FUT9: variants seen among roughly 807,000 people sequenced by gnomAD.
FUT9 encodes the protein fucosyltransferase 9.
FUT9 carries 15 observed loss-of-function variants against 29.7 expected under a neutral mutation model. The ratio of observed to expected loss-of-function variants is 0.51; its 90% CI spans 0.34 to 0.78. The LOEUF (loss-of-function observed/expected upper bound fraction) is 0.78, where lower values mean the gene tolerates loss of function less well. Ranked by LOEUF, FUT9 falls within the 30% of genes least tolerant of loss-of-function variation. FUT9 has a pLI of 0.01. For missense variants in FUT9, 319 were observed against 425.4 expected (o/e 0.75, Z 2.20); for synonymous variants, 169 against 153.7 (o/e 1.10, Z -0.74).
intron 1 of FUT9, among the ~76,000 whole-genome samples, chr6:96,060,480 A>G (rs1177995238): frequency 6.6e-6 from 1 of 152,034 alleles, no homozygotes; most frequent in East Asian, 1.9e-4. Context: ...GTAAATTTTT[A>G]TATTTTATTC....
At chr6:96,129,264 C>CAAAAA (rs869216525) in intron 2 of FUT9, among the ~76,000 whole-genome samples, 7 of 13,310 alleles carry the variant, frequency 5.3e-4, no homozygotes, top group African/African-American at 6.3e-4. Context: ...GACTCTGTCT[C>CAAAAA]AAAAAAAAAA....
At chr6:96,144,885 CAAATT>C (rs1404977899) in intron 2 of FUT9, among the ~76,000 whole-genome samples, 3 of 152,054 alleles carry the variant, frequency 2.0e-5, no homozygotes, top group South Asian at 4.1e-4. Flanking sequence ...GAAAAGAAAA[CAAATT>C]AAAAGAATAT....
At chr6:96,038,412 T>C (rs960205716) in intron 1 of FUT9, among the ~76,000 whole-genome samples, 3 of 152,164 alleles carry the variant, frequency 2.0e-5, no homozygotes, top group Non-Finnish European at 2.9e-5. Context: ...TTTTTAATTC[T>C]TCTTCTTTGC....
intron 2 of FUT9, among the ~76,000 whole-genome samples, chr6:96,178,829 A>G (rs1481803050): frequency 6.6e-6 from 1 of 152,100 alleles, no homozygotes; most frequent in Non-Finnish European, 1.5e-5. Context: ...TCCACTTCCC[A>G]TCTCCCTTTT....
At chr6:96,092,332 A>T (rs1771425048) in intron 1 of FUT9, among the ~76,000 whole-genome samples, 1 of 152,148 alleles carries the variant, frequency 6.6e-6, no homozygotes, top group Non-Finnish European at 1.5e-5. Context: ...ACTTGTGTGA[A>T]ATTCAAAAAT....
intron 2 of FUT9, among the ~76,000 whole-genome samples, chr6:96,154,112 A>G (rs1308771249): frequency 2.0e-5 from 3 of 152,246 alleles, no homozygotes; most frequent in African/African-American, 4.8e-5. Context: ...TTGCTTCCTC[A>G]TAATGGGTGA....
chr6:96,101,231 A>G (rs1001941997), intron 1 of FUT9, among the ~76,000 whole-genome samples: 4 of 152,040 alleles, frequency 2.6e-5, no homozygotes, highest in African/African-American at 7.3e-5. Context: ...TGTTTGAGGG[A>G]AAAAAATATT....
Position 96,019,863 on chromosome 6 carries a change from T to G in FUT9, c.-98+3651T>G, listed in dbSNP as rs968570752. On this transcript the variant is annotated intron_variant, in intron 1 of 2. Coordinates refer to ENST00000302103, the MANE Select transcript of FUT9 (RefSeq NM_006581.4). ...TGACTTGCTCAAAGTTTCAAAGTAGTTAATAGAAACAGAATTCAAATCCTG... is the reference window on the plus strand; with the variant it reads ...TGACTTGCTCAAAGTTTCAAAGTAGGTAATAGAAACAGAATTCAAATCCTG... Among the ~76,000 whole-genome samples, 8 of 152,118 alleles carry G rather than the reference T, an allele frequency of 5.3e-5. 1 individual carries two copies. The highest frequency in any genetic ancestry group is 5.2e-4 in the Admixed American group (8 of 15,274).
chr6:96,212,532 A>G lies in FUT9; in HGVS notation c.*8297A>G. 4.9e-6 allele frequency: 2 copies of G among 405,318 alleles called. No individual in the cohort carries two copies. Among genetic ancestry groups the G allele is most frequent in the Non-Finnish European group, 9.0e-6 (2 of 221,118 alleles). The allele number at this position is 405,318 out of a possible 1,614,324, so 25.1% of individuals were successfully genotyped here. A position where few individuals can be genotyped will look rare whatever the true frequency, so the allele number is the denominator to read the frequency against. On this transcript the variant is annotated 3_prime_UTR_variant, in exon 3 of 3. Coordinates refer to ENST00000302103, the MANE Select transcript of FUT9 (RefSeq NM_006581.4). ...ATTTGAGAACAAGATTTTACTTAGA[A>G]GGGAAAAAAAAGAACTTTCAGCTTA... is the stretch of plus-strand genomic sequence containing the variant.
chr6:96,178,430 C>T (rs923588235), intron 2 of FUT9, among the ~76,000 whole-genome samples: 2 of 152,014 alleles, frequency 1.3e-5, no homozygotes, highest in Non-Finnish European at 2.9e-5. Flanking sequence ...TAGCACTAAT[C>T]GAAATTTTAT....
At chr6:96,071,578 G>T (rs145177618) in intron 1 of FUT9, among the ~76,000 whole-genome samples, 2 of 152,006 alleles carry the variant, frequency 1.3e-5, no homozygotes, top group East Asian at 3.9e-4. Flanking sequence ...CTTAAATGTC[G>T]TTTTAGTGAA....
At chr6:96,184,639 T>C (rs1279531092) in intron 2 of FUT9, among the ~76,000 whole-genome samples, 1 of 152,082 alleles carries the variant, frequency 6.6e-6, no homozygotes, top group Non-Finnish European at 1.5e-5. Context: ...CAGAGGTTTT[T>C]GATACATTGT....
Position 96,050,996 on chromosome 6 carries a change from A to T in FUT9, c.-98+34784A>T, listed in dbSNP as rs189828180. Among the ~76,000 whole-genome samples the T allele has an allele frequency of 9.8e-5, 12 of 121,870 alleles. No individual in the cohort carries two copies. The East Asian group carries it at 2.9e-3, about 30-fold the overall frequency. The allele number at this position is 121,870 out of a possible 152,430, so 80.0% of individuals were successfully genotyped here. A position where few individuals can be genotyped will look rare whatever the true frequency, so the allele number is the denominator to read the frequency against. ...TGTCCAGGCATTTGTGGCGTGGATC[A>T]TGTCTCTCTCTCTCTCTGTGTGTGT... On this transcript the variant is annotated intron_variant, in intron 1 of 2. Coordinates refer to ENST00000302103, the MANE Select transcript of FUT9 (RefSeq NM_006581.4).
chr6:96,121,343 A>T (rs566927222), intron 2 of FUT9, among the ~76,000 whole-genome samples: 17 of 152,308 alleles, frequency 1.1e-4, no homozygotes, highest in Admixed American at 2.6e-4. Context: ...GATGTCAAGA[A>T]AATCTGAATT....
At chr6:96,101,367 C>G (rs1771582470) in intron 1 of FUT9, among the ~76,000 whole-genome samples, 1 of 151,874 alleles carries the variant, frequency 6.6e-6, no homozygotes, top group Non-Finnish European at 1.5e-5. Context: ...GATGAAACCC[C>G]ATCTCTACTA....
chr6:96,122,470 T>C (rs994613780), intron 2 of FUT9, among the ~76,000 whole-genome samples: 3 of 152,138 alleles, frequency 2.0e-5, no homozygotes, highest in African/African-American at 4.8e-5. Context: ...ACCACAGAAA[T>C]TCACAGAATT....
At chr6:96,197,665 G>C (rs139541504) in intron 2 of FUT9, among the ~76,000 whole-genome samples, 41 of 152,254 alleles carry the variant, frequency 2.7e-4, no homozygotes, top group African/African-American at 9.4e-4. Context: ...ACTATACAGT[G>C]ACTGTCAAAT....
Position 96,186,477 on chromosome 6 carries a change from C to T in FUT9, c.-8-16671C>T, listed in dbSNP as rs1773408136. On this transcript the variant is annotated intron_variant, in intron 2 of 2. Transcript: ENST00000302103. ...AGTATGTTAACGTCCCTGATATGCA[C>T]GATGGTGTTTGTTTTGTAACTGTGT... Among the ~76,000 whole-genome samples the T allele has an allele frequency of 1.3e-5, 2 of 151,996 alleles. 1 individual carries two copies. The highest frequency in any genetic ancestry group is 2.9e-5 in the Non-Finnish European group (2 of 68,012).
intron 2 of FUT9, among the ~76,000 whole-genome samples, chr6:96,125,605 G>A (rs1772119543): frequency 6.6e-6 from 1 of 152,186 alleles, no homozygotes; most frequent in South Asian, 2.1e-4. Flanking sequence ...AGCTCGGCAA[G>A]ATGAAGTCGT....
Sources: allele counts gnomAD v4.1 joint callset (sites outside exome capture counted in the v4.1 genomes callset), GRCh38; gene constraint gnomAD v4.1.1; transcripts MANE v1.5; gene names NCBI Gene and HGNC (gene_info 2026-07-23, HGNC 2026-07-21).